Variants in GLMN observed in about 807,000 individuals in gnomAD.
The protein encoded by GLMN is glomulin.
Under a neutral mutation model 87.8 loss-of-function variants are expected in GLMN, and 75 were observed. The observed-to-expected ratio is 0.85, with a 90% confidence interval of 0.71 to 1.04. The LOEUF (loss-of-function observed/expected upper bound fraction) is 1.04. Ranked by LOEUF, GLMN falls within the 50% of genes least tolerant of loss-of-function variation. The probability of loss-of-function intolerance (pLI) is 0.00; values close to 1 mark genes in which losing one functional copy is unlikely to be tolerated. For missense variants in GLMN, 588 were observed against 658.8 expected (o/e 0.89, Z 1.18); for synonymous variants, 206 against 221.6 (o/e 0.93, Z 0.63).
At chr1:92,336,539 C>A in the GLMN span, 1 of 691,248 alleles carries the variant, frequency 1.4e-6, no homozygotes, top group South Asian at 1.8e-5. Flanking sequence ...TGTCACAGAT[C>A]TAAATACAGT....
At chr1:92,335,057 A>T in the GLMN span, among the ~76,000 whole-genome samples, 2 of 152,158 alleles carry the variant, frequency 1.3e-5, no homozygotes, top group Non-Finnish European at 2.9e-5. Context: ...GAAGTGGAGG[A>T]TCGCTTGAGC....
the GLMN span, among the ~76,000 whole-genome samples, chr1:92,356,535 C>T: frequency 6.6e-6 from 1 of 151,650 alleles, no homozygotes; most frequent in African/African-American, 2.4e-5. Context: ...CCTCCTGCCT[C>T]AGCCTTCCAA....
At chr1:92,358,771 G>C in the GLMN span, among the ~76,000 whole-genome samples, 1 of 151,936 alleles carries the variant, frequency 6.6e-6, no homozygotes. Context: ...AAAAATTGTA[G>C]AGATAGGGGT....
chr1:92,329,880 A>G, the GLMN span, among the ~76,000 whole-genome samples: 5 of 152,190 alleles, frequency 3.3e-5, no homozygotes, highest in African/African-American at 1.2e-4. Flanking sequence ...CATAAATCAC[A>G]TGGTACAAAT....
chr1:92,325,922 CATTT>C, the GLMN span, among the ~76,000 whole-genome samples: 2 of 151,734 alleles, frequency 1.3e-5, no homozygotes, highest in African/African-American at 4.8e-5. Flanking sequence ...ATAAATATAC[CATTT>C]ATTTATGCTA....
chr1:92,367,023 G>A, the GLMN span, among the ~76,000 whole-genome samples: 1 of 152,210 alleles, frequency 6.6e-6, no homozygotes. Context: ...TTACTGCCAT[G>A]CAGGAAGAAA....
intron 16 of GLMN, among the ~76,000 whole-genome samples, chr1:92,257,521 ACAGCATGGTACTGG>A (rs1472681597): frequency 6.6e-6 from 1 of 152,238 alleles, no homozygotes; most frequent in African/African-American, 2.4e-5. Flanking sequence ...AGTAACCAAG[ACAGCATGGTACTGG>A]TACCAAAACA....
chr1:92,351,324 A>G, the GLMN span, among the ~76,000 whole-genome samples: 32 of 150,284 alleles, frequency 2.1e-4, no homozygotes, highest in African/African-American at 6.7e-4. Context: ...AAAAAAAAAA[A>G]AAAAGAAAGG....
rs751393940 is a variant in GLMN at position 92,268,002 on chromosome 1, C to A, written c.1009G>T (p.Glu337Ter). ...CTCAATAAACTATTCTCCAGCAGCT[C>A]CTACAGATTAAAATATATGCAGATA... ...TEESVISKGL[E>*]LLENSLLRIE... Residue 337 changes from glutamate (E) to a stop codon, truncating the protein, a stop_gained and splice_region_variant, in exon 11 of 19, where the codon GAG (glutamate) becomes TAG (stop). Transcript: ENST00000370360. LOFTEE classifies it high-confidence loss of function. 1 of 1,537,654 alleles carries A rather than the reference C, an allele frequency of 6.5e-7. No individual in the cohort carries two copies. Among genetic ancestry groups the A allele is most frequent in the Non-Finnish European group, 9.0e-7 (1 of 1,110,372 alleles).
At chr1:92,317,051 G>A in the GLMN span, among the ~76,000 whole-genome samples, 1 of 152,156 alleles carries the variant, frequency 6.6e-6, no homozygotes, top group Admixed American at 6.5e-5. Context: ...TTAAGCAAAG[G>A]TGGTATCCTT....
the GLMN span, among the ~76,000 whole-genome samples, chr1:92,319,746 C>G: frequency 1.3e-5 from 2 of 152,142 alleles, no homozygotes; most frequent in Non-Finnish European, 2.9e-5. Context: ...TGCCTATAAT[C>G]CCAGCACTTT....
At chr1:92,330,350 A>G in the GLMN span, among the ~76,000 whole-genome samples, 1 of 152,028 alleles carries the variant, frequency 6.6e-6, no homozygotes, top group Non-Finnish European at 1.5e-5. Flanking sequence ...TTCTGGAAGA[A>G]TGTGTCTAAA....
chr1:92,336,356 G>T, the GLMN span: 1,683 of 1,604,090 alleles, frequency 1.0e-3, 2 homozygotes, highest in Non-Finnish European at 1.3e-3. Flanking sequence ...GGTTGCCTGG[G>T]CTTCTGGTTC....
chr1:92,367,351 C>G, the GLMN span, among the ~76,000 whole-genome samples: 2 of 152,126 alleles, frequency 1.3e-5, no homozygotes, highest in African/African-American at 2.4e-5. Context: ...ACGGCTTTTG[C>G]GTTTGTTTGA....
At chr1:92,322,596 C>T in the GLMN span, among the ~76,000 whole-genome samples, 3 of 151,388 alleles carry the variant, frequency 2.0e-5, no homozygotes, top group African/African-American at 2.4e-5. Context: ...AAAGCTCAGC[C>T]GGGCACGGTG....
chr1:92,347,475 A>G, the GLMN span, among the ~76,000 whole-genome samples: 1 of 152,214 alleles, frequency 6.6e-6, no homozygotes, highest in South Asian at 2.1e-4. Context: ...GCTCAGCACT[A>G]ATCTCAGAAT....
chr1:92,266,569 T>C (rs768198366), intron 12 of GLMN, 77 bp from the exon 13 acceptor site: 2 of 1,013,472 alleles, frequency 2.0e-6, no homozygotes, highest in East Asian at 2.6e-5. Context: ...ATTTTATGCA[T>C]GTAATACATC....
chr1:92,356,052 T>C, the GLMN span, among the ~76,000 whole-genome samples: 2 of 152,240 alleles, frequency 1.3e-5, no homozygotes, highest in Non-Finnish European at 2.9e-5. Context: ...TGTTAAAATA[T>C]GTTTTAAAAC....
the GLMN span, among the ~76,000 whole-genome samples, chr1:92,355,162 A>AT: frequency 6.6e-6 from 1 of 151,880 alleles, no homozygotes; most frequent in Non-Finnish European, 1.5e-5. Flanking sequence ...TATGTCATTA[A>AT]TTTTTATTTA....
Sources: gnomAD v4.1 joint callset for allele counts (sites outside exome capture counted in the v4.1 genomes callset) on GRCh38, gnomAD v4.1.1 for gene constraint, MANE v1.5 for transcripts, NCBI Gene and HGNC (gene_info 2026-07-23, HGNC 2026-07-21) for gene names.